Variants in PELP1 observed in about 807,000 individuals in gnomAD.
PELP1 encodes the protein proline-, glutamic acid- and leucine-rich protein 1.
A neutral mutation model predicts 95.5 loss-of-function variants in PELP1; 32 were observed. The observed-to-expected ratio is 0.34, with a 90% CI of 0.25 to 0.45. PELP1 has a LOEUF of 0.45. Among genes scored for constraint, PELP1 ranks in the 20% least tolerant of loss-of-function variants. The pLI is 1.00. For missense variants in PELP1, 1,358 were observed against 1,444.8 expected, an observed-to-expected ratio of 0.94 and a Z score of 0.97; for synonymous variants, 668 against 600.1, an observed-to-expected ratio of 1.11 and a Z score of -1.65.
At chr17:4,681,403 C>G (rs1382783819) in intron 5 of PELP1, among the ~76,000 whole-genome samples, 1 of 151,546 alleles carries the variant, frequency 6.6e-6, no homozygotes, top group African/African-American at 2.4e-5. Context: ...CCCAGCTACT[C>G]GGAGGCTAAG....
In PELP1 at chr17:4,672,395, G is replaced by A; in HGVS notation, c.2596C>T (p.Pro866Ser). 1 of 1,558,514 alleles carries A rather than the reference G, an allele frequency of 6.4e-7. No homozygotes were observed. The highest frequency in any genetic ancestry group is 8.7e-7 in the Non-Finnish European group (1 of 1,150,682). ...PPPQLVPEGT[P>S]GGGGPPALEE... ...AGGGCTGGGGGTCCTCCCCCACCAG[G>A]AGTCCCTTCAGGGACCAACTGGGGT... The change falls in exon 16 of 17, where the codon CCT (proline) becomes TCT (serine). Residue 866 changes from proline to serine, a missense_variant. Coordinates refer to ENST00000572293, the MANE Select transcript of PELP1 (RefSeq NM_014389.3).
chr17:4,694,732 G>C (rs1195636925), intron 1 of PELP1, among the ~76,000 whole-genome samples: 1 of 151,728 alleles, frequency 6.6e-6, no homozygotes, highest in African/African-American at 2.4e-5. Context: ...CAGCACTTTG[G>C]GGGGCCGAGG....
intron 3 of PELP1, among the ~76,000 whole-genome samples, chr17:4,685,020 T>G (rs1419818707): frequency 6.6e-6 from 1 of 152,136 alleles, no homozygotes; most frequent in Non-Finnish European, 1.5e-5. Flanking sequence ...CATACTTCAC[T>G]TGCCAAATCC....
chr17:4,685,383 A>G (rs980013468), intron 3 of PELP1, among the ~76,000 whole-genome samples: 1 of 152,008 alleles, frequency 6.6e-6, no homozygotes, highest in Non-Finnish European at 1.5e-5. Context: ...ATCTTCCTCT[A>G]CCTGACCATT....
In PELP1 at chr17:4,669,872, ATTC is replaced by A. The variant is rs1397782048; in HGVS notation, c.*1564_*1566del. On this transcript the variant is annotated 3_prime_UTR_variant, in exon 17 of 17. Transcript: ENST00000572293. ...TGGTATCAGGATTGTGCAGAAAAAC[ATTC>A]TTATCTTAGAAGATAATTCATGTTA... is the stretch of plus-strand genomic sequence containing the variant. 1 of 152,204 alleles carries A rather than the reference ATTC, an allele frequency of 6.6e-6. No homozygotes were observed. Among genetic ancestry groups the A allele is most frequent in the East Asian group, 1.9e-4 (1 of 5,200 alleles). The allele number at this position is 152,204 out of a possible 1,614,324, so 9.4% of individuals were successfully genotyped here. A position where few individuals can be genotyped will look rare whatever the true frequency, so the allele number is the denominator to read the frequency against.
At chr17:4,683,102 G>A in intron 3 of PELP1, 150 bp from the exon 4 acceptor site, 1 of 1,319,182 alleles carries the variant, frequency 7.6e-7, no homozygotes, top group Non-Finnish European at 9.7e-7. Context: ...AGGGTGTGGA[G>A]ACACGGATAC....
rs1185616895 is a variant in PELP1 at position 4,695,324 on chromosome 17, A to AT, written c.250-3883_250-3882insA. ...GCAACAGAGTGAGACTCCGTCTGGA[A>AT]AAAATAAATAAATAAAATGGCTAAA... On this transcript the variant is annotated intron_variant, in intron 1 of 16. Transcript: ENST00000572293. Among the ~76,000 whole-genome samples, 495 of 67,740 alleles carry AT rather than the reference A, an allele frequency of 7.3e-3. 3 individuals are homozygous for AT. The highest frequency in any genetic ancestry group is 0.024 in the African/African-American group (471 of 19,420). The allele number at this position is 67,740 out of a possible 152,430, so 44.4% of individuals were successfully genotyped here.
At chr17:4,677,998 G>A (rs893023214) in intron 5 of PELP1, among the ~76,000 whole-genome samples, 2 of 151,720 alleles carry the variant, frequency 1.3e-5, no homozygotes, top group Non-Finnish European at 2.9e-5. Context: ...AGCAGATCAC[G>A]AGGTCAGGAG....
At chr17:4,683,100 G>C (rs779967080) in intron 3 of PELP1, 148 bp from the exon 4 acceptor site, 324 of 1,322,078 alleles carry the variant, frequency 2.5e-4, no homozygotes, top group Non-Finnish European at 3.0e-4. Context: ...AGAGGGTGTG[G>C]AGACACGGAT....
At position 4,669,879 on chromosome 17, in the gene PELP1, T is replaced by C. The variant is rs1319942826; in HGVS notation, c.*1560A>G. 1 of 152,174 alleles carries C rather than the reference T, an allele frequency of 6.6e-6. No homozygotes were observed. Among genetic ancestry groups the C allele is most frequent in the Non-Finnish European group, 1.5e-5 (1 of 68,018 alleles). The allele number at this position is 152,174 out of a possible 1,614,324, so 9.4% of individuals were successfully genotyped here. ...AGGATTGTGCAGAAAAACATTCTTA[T>C]CTTAGAAGATAATTCATGTTAAAGA... On this transcript the variant is annotated 3_prime_UTR_variant, in exon 17 of 17. Transcript: ENST00000572293.
intron 3 of PELP1, among the ~76,000 whole-genome samples, chr17:4,685,020 T>C (rs1419818707): frequency 1.3e-5 from 2 of 152,136 alleles, no homozygotes; most frequent in Non-Finnish European, 1.5e-5. Flanking sequence ...CATACTTCAC[T>C]TGCCAAATCC....
intron 1 of PELP1, among the ~76,000 whole-genome samples, chr17:4,692,776 G>A (rs915610941): frequency 3.9e-5 from 6 of 152,148 alleles, no homozygotes; most frequent in Middle Eastern, 3.4e-3. Context: ...TTGGGATGCC[G>A]AGGCAGGTGG....
rs780614470 is a variant in PELP1, at chr17:4,674,656, C to T, written c.1436G>A (p.Arg479Gln). Residue 479 changes from arginine to glutamine, a missense_variant, in exon 13 of 17, where the codon CGG (arginine) becomes CAG (glutamine). Arg to Gln is a conservative substitution (Grantham distance 43, BLOSUM62 1). Around this residue, in one of 7 missense-constraint regions of PELP1, gnomAD observed 538 missense variants for 628.1 expected, o/e 0.86. Transcript: ENST00000572293. ...CTGCAAACTCCCATCAGGGCTCCCCCGCGGGCTACGCAGCTGGAGGCAGAG... is the reference window on the plus strand; with the variant it reads ...CTGCAAACTCCCATCAGGGCTCCCCTGCGGGCTACGCAGCTGGAGGCAGAG... Reference protein sequence around the residue: ...PADALKLRSPRGSPDGSLQTG... With the variant: ...PADALKLRSPQGSPDGSLQTG... 6.9e-6 allele frequency: 11 copies of T among 1,596,876 alleles called. No homozygotes were observed. The highest frequency in any genetic ancestry group is 4.1e-5 in the African/African-American group (3 of 73,540).
At position 4,679,799 on chromosome 17, in the gene PELP1, T is replaced by A. The variant is rs142802771; in HGVS notation, c.642+2703A>T. Among the ~76,000 whole-genome samples the A allele has an allele frequency of 5.3e-5, 8 of 152,348 alleles. No individual in the cohort carries two copies. In the East Asian group the frequency reaches 1.5e-3, roughly 29 times the overall value. Reference sequence around the variant, plus strand: ...CTGCCTACCCAAAGATTCTATTAGCTGTGATTAGAGGCATTCACATGAAAA... The same window carrying A: ...CTGCCTACCCAAAGATTCTATTAGCAGTGATTAGAGGCATTCACATGAAAA... On this transcript the variant is annotated intron_variant, in intron 5 of 16. Coordinates refer to ENST00000572293, the MANE Select transcript of PELP1 (RefSeq NM_014389.3).
At chr17:4,703,249 C>G (rs2038073502) in intron 1 of PELP1, among the ~76,000 whole-genome samples, 1 of 152,136 alleles carries the variant, frequency 6.6e-6, no homozygotes. Context: ...ACCACAGGGT[C>G]TTCCCACATG....
chr17:4,701,625 T>C (rs1416562968), intron 1 of PELP1, among the ~76,000 whole-genome samples: 1 of 152,214 alleles, frequency 6.6e-6, no homozygotes, highest in East Asian at 1.9e-4. Flanking sequence ...AAAAGCCATG[T>C]TGGTAGGTGG....
In PELP1 at chr17:4,673,944, A is replaced by C; in HGVS notation, c.1583-270T>G. On this transcript the variant is annotated intron_variant, in intron 13 of 16. Coordinates refer to ENST00000572293, the MANE Select transcript of PELP1 (RefSeq NM_014389.3). The surrounding 1 kb of genome is among the most constrained non-coding windows in gnomAD (Gnocchi z 5.7). ...GGGAACAATCGGTTCTCCCCTTCCC[A>C]TGGGATGGGGTGGCAGGCAGTGAAA... is the stretch of plus-strand genomic sequence containing the variant. 1 of 445,526 alleles carries C rather than the reference A, an allele frequency of 2.2e-6. No individual in the cohort carries two copies. Among genetic ancestry groups the C allele is most frequent in the Non-Finnish European group, 4.1e-6 (1 of 245,016 alleles). The allele number at this position is 445,526 out of a possible 1,614,324, so 27.6% of individuals were successfully genotyped here. A position where few individuals can be genotyped will look rare whatever the true frequency, so the allele number is the denominator to read the frequency against.
At chr17:4,682,990 C>A in intron 3 of PELP1, 38 bp from the exon 4 acceptor site, 1 of 1,430,674 alleles carries the variant, frequency 7.0e-7, no homozygotes, top group Non-Finnish European at 9.2e-7. Context: ...TCCAGCCTCA[C>A]CTTGATTGTC....
In PELP1 at chr17:4,677,482, G is replaced by C. The variant is rs563928698; in HGVS notation, c.643-670C>G. On this transcript the variant is annotated intron_variant, in intron 5 of 16. Coordinates refer to ENST00000572293, the MANE Select transcript of PELP1 (RefSeq NM_014389.3). ...TAAATGCAGACAAATAGCCACAGTA[G>C]TATCAGCAGTACCTGTGACTGTCAC... is the stretch of plus-strand genomic sequence containing the variant. Among the ~76,000 whole-genome samples the C allele has an allele frequency of 2.0e-5, 3 of 152,344 alleles. No homozygotes were observed. In the South Asian group the frequency reaches 6.2e-4, roughly 32 times the overall value.
Sources: allele counts gnomAD v4.1 joint callset (sites outside exome capture counted in the v4.1 genomes callset), GRCh38; gene constraint gnomAD v4.1.1; regional missense constraint gnomAD v4.1.1; non-coding constraint Gnocchi (gnomAD v3.1); transcripts MANE v1.5; gene names NCBI Gene and HGNC (gene_info 2026-07-23, HGNC 2026-07-21).